FAM107B: variants seen among roughly 807,000 people sequenced by gnomAD.
FAM107B encodes family with sequence similarity 107 member B.
A neutral mutation model predicts 31.5 loss-of-function variants in FAM107B; 21 were observed. That is an observed-to-expected ratio of 0.67 (90% CI 0.47 to 0.96). The LOEUF (loss-of-function observed/expected upper bound fraction) is 0.96, where lower values mean the gene tolerates loss of function less well. Ranked by LOEUF, FAM107B falls within the 40% of genes least tolerant of loss-of-function variation. The probability of loss-of-function intolerance (pLI) is 0.00; values close to 1 mark genes in which losing one functional copy is unlikely to be tolerated. For missense variants in FAM107B, 452 were observed against 377.1 expected (o/e 1.20, Z -1.64); for synonymous variants, 157 against 141.5 (o/e 1.11, Z -0.78).
rs551554637 is a variant in FAM107B, at chr10:14,706,404, T to C, written c.412-38713A>G. 2.0e-5 allele frequency among the ~76,000 whole-genome samples: 3 copies of C among 152,276 alleles called. No homozygotes were observed. In the East Asian group the frequency reaches 5.8e-4, roughly 29 times the overall value. ...CACCATGCCTGGCTAATTTTAAATT[T>C]TTTTGTAGAGATAAGGTCCCACTAT... On this transcript the variant is annotated intron_variant, in intron 1 of 4. Coordinates refer to ENST00000181796, the MANE Select transcript of FAM107B (RefSeq NM_031453.4).
At chr10:14,740,286 T>C (rs7896469) in intron 1 of FAM107B, among the ~76,000 whole-genome samples, 5,628 of 152,148 alleles carry the variant, frequency 0.037, 368 homozygotes, top group African/African-American at 0.13. Flanking sequence ...TAAATAGAAA[T>C]GAGCTATCAA....
At chr10:14,692,087 A>G (rs1331829715) in intron 1 of FAM107B, among the ~76,000 whole-genome samples, 3 of 152,074 alleles carry the variant, frequency 2.0e-5, no homozygotes, top group Non-Finnish European at 2.9e-5. Context: ...CTATCCTGCA[A>G]TTGCGGTTTA....
intron 1 of FAM107B, among the ~76,000 whole-genome samples, chr10:14,711,686 C>T (rs1779727950): frequency 6.6e-6 from 1 of 152,166 alleles, no homozygotes; most frequent in South Asian, 2.1e-4. Context: ...TTCTGTCGCG[C>T]AGGCTGGGGT....
At chr10:14,706,440 C>T (rs1334096014) in intron 1 of FAM107B, among the ~76,000 whole-genome samples, 1 of 152,260 alleles carries the variant, frequency 6.6e-6, no homozygotes, top group African/African-American at 2.4e-5. Flanking sequence ...GTTGCCCAGG[C>T]TGGTCTTGAA....
rs944929057 is a variant in FAM107B at position 14,614,588 on chromosome 10, G to A, written c.469+53046C>T. Among the ~76,000 whole-genome samples, 14 of 150,796 alleles carry A rather than the reference G, an allele frequency of 9.3e-5. 1 individual carries two copies. Among genetic ancestry groups the A allele is most frequent in the African/African-American group, 3.2e-4 (13 of 40,894 alleles). On this transcript the variant is annotated intron_variant, in intron 2 of 4. Coordinates refer to ENST00000181796, the MANE Select transcript of FAM107B (RefSeq NM_031453.4). ...CTCGGGAGACTGAGACAGGAGAATT[G>A]CTTGAACCCAGGAGGCAGAGGTTGC...
At chr10:14,592,718 C>CGACT (rs1330338220) in intron 2 of FAM107B, among the ~76,000 whole-genome samples, 1 of 152,174 alleles carries the variant, frequency 6.6e-6, no homozygotes, top group Non-Finnish European at 1.5e-5. Context: ...AAGGCATGTG[C>CGACT]CAGTCAGAAG....
At chr10:14,698,513 T>A (rs1855319964) in intron 1 of FAM107B, among the ~76,000 whole-genome samples, 1 of 152,252 alleles carries the variant, frequency 6.6e-6, no homozygotes, top group Admixed American at 6.5e-5. Flanking sequence ...CACATCATCA[T>A]TTGATGATCA....
chr10:14,632,023 C>G (rs1021189526), intron 2 of FAM107B, among the ~76,000 whole-genome samples: 1 of 152,134 alleles, frequency 6.6e-6, no homozygotes, highest in African/African-American at 2.4e-5. Context: ...TCTGGCCAGG[C>G]ACAGTGGCTC....
chr10:14,564,305 C>T (rs1247070544), intron 2 of FAM107B, among the ~76,000 whole-genome samples: 2 of 152,012 alleles, frequency 1.3e-5, no homozygotes, highest in Non-Finnish European at 2.9e-5. Flanking sequence ...AGCAGATCAG[C>T]GGCAGCTTTC....
chr10:14,556,322 T>C (rs1464318274), intron 2 of FAM107B: 1 of 983,656 alleles, frequency 1.0e-6, no homozygotes, highest in Non-Finnish European at 1.2e-6. Flanking sequence ...TCATCAATGG[T>C]GACTCCTCCC....
rs139987994 is a variant in FAM107B at position 14,521,961 on chromosome 10, C to T, written c.712G>A (p.Asp238Asn). The change falls in exon 4 of 5, where the codon GAC becomes AAC. Residue 238 changes from aspartate to asparagine, a missense_variant. Asp to Asn is a conservative substitution (Grantham distance 23). Transcript: ENST00000181796. ...TCTTCCTTCTGCTTTATTACTTGGT[C>T]TCGTTTTCTTTTTTCCATCACCTTC... ...LQKVMEKRKR[D>N]QVIKQKEEEA... The T allele has an allele frequency of 1.9e-6, 3 of 1,614,012 alleles. No homozygotes were observed. The highest frequency in any genetic ancestry group is 2.7e-5 in the African/African-American group (2 of 74,914).
rs1398901614 is a variant in FAM107B, at chr10:14,581,764, G to A, written c.470-51249C>T. ...AAAACATAGTAAAACTCAAGTGAGC[G>A]TGGTGGTGCACACCCACGGTCCCAG... On this transcript the variant is annotated intron_variant, in intron 2 of 4. Transcript: ENST00000181796. Among the ~76,000 whole-genome samples the A allele has an allele frequency of 3.3e-5, 5 of 152,152 alleles. No individual in the cohort carries two copies. The South Asian group carries it at 8.3e-4, about 25-fold the overall frequency.
chr10:14,625,260 G>GTC (rs1491338810), intron 2 of FAM107B, among the ~76,000 whole-genome samples: 1 of 31,106 alleles, frequency 3.2e-5, no homozygotes, highest in Non-Finnish European at 1.1e-4. Context: ...GTGTGCGTGC[G>GTC]TGTGTGTGTG....
intron 2 of FAM107B, among the ~76,000 whole-genome samples, chr10:14,631,786 T>C (rs922323353): frequency 2.0e-5 from 3 of 152,140 alleles, no homozygotes; most frequent in African/African-American, 4.8e-5. Context: ...TCCTCTCCAA[T>C]GCCAGGCTGG....
chr10:14,725,090 G>A (rs1434222066), intron 1 of FAM107B, among the ~76,000 whole-genome samples: 1 of 152,170 alleles, frequency 6.6e-6, no homozygotes, highest in Non-Finnish European at 1.5e-5. Flanking sequence ...AGCACCTGAG[G>A]ACCAGATGCC....
chr10:14,628,768 T>C (rs574713136), intron 2 of FAM107B, among the ~76,000 whole-genome samples: 3 of 152,194 alleles, frequency 2.0e-5, no homozygotes, highest in African/African-American at 7.2e-5. Flanking sequence ...TATGGTGGCT[T>C]ACACCTGTAA....
intron 1 of FAM107B, among the ~76,000 whole-genome samples, chr10:14,690,941 T>C (rs1855119359): frequency 1.9e-5 from 1 of 51,640 alleles, no homozygotes; most frequent in South Asian, 4.7e-4. Context: ...TGTTGATTGA[T>C]TGATTGATTG....
intron 1 of FAM107B, among the ~76,000 whole-genome samples, chr10:14,703,268 C>A (rs1299093237): frequency 6.6e-6 from 1 of 151,940 alleles, no homozygotes; most frequent in African/African-American, 2.4e-5. Flanking sequence ...AAAGATTTCA[C>A]AAGATTTCCC....
rs369321562 is a variant in FAM107B, at chr10:14,767,024, G to GTATATATATA, written c.411+7219_411+7228dup. ...GCAGAACAATATCCCTGATGTGTATGTATATATATATATATATATATATAT... is the reference window on the plus strand; with the variant it reads ...GCAGAACAATATCCCTGATGTGTATGTATATATATATATATATATATATATATATATATAT... On this transcript the variant is annotated intron_variant, in intron 1 of 4. Transcript: ENST00000181796. Among the ~76,000 whole-genome samples the GTATATATATA allele has an allele frequency of 5.7e-3, 92 of 16,144 alleles. 6 individuals carry two copies. Among genetic ancestry groups the GTATATATATA allele is most frequent in the South Asian group, 0.014 (2 of 142 alleles). 10.6% of individuals were successfully genotyped at this position (16,144 alleles called of 152,430 possible).
Sources: gnomAD v4.1 joint callset for allele counts (sites outside exome capture counted in the v4.1 genomes callset) on GRCh38, gnomAD v4.1.1 for gene constraint, MANE v1.5 for transcripts, NCBI Gene and HGNC (gene_info 2026-07-23, HGNC 2026-07-21) for gene names.